SELENOH: variants seen among roughly 807,000 people sequenced by gnomAD.
SELENOH encodes the protein selenoprotein H.
In SELENOH, 13 loss-of-function variants were observed where a neutral mutation model predicts 11.9. That is an observed-to-expected ratio of 1.09 (90% CI 0.71 to 1.74). The LOEUF is 1.74. Ranked by LOEUF, SELENOH falls within the 40% of genes most tolerant of loss-of-function variation. The pLI, the probability that SELENOH is intolerant of heterozygous loss-of-function variation, is 0.00. For synonymous variants in SELENOH, 96 were observed against 73.5 expected, an observed-to-expected ratio of 1.31 and a Z score of -1.56; for missense variants, 223 against 170.3, an observed-to-expected ratio of 1.31 and a Z score of -1.72.
At chr11:57,742,458 G>A in intron 3 of SELENOH, 1 of 504,512 alleles carries the variant, frequency 2.0e-6, no homozygotes, top group Non-Finnish European at 3.6e-6. Context: ...TCTGTCTAGT[G>A]TGCCCTAAGT....
rs754112113 is a variant in SELENOH at position 57,742,224 on chromosome 11, T to G, written c.*7T>G. 6 of 1,600,864 alleles carry G rather than the reference T, an allele frequency of 3.7e-6. No homozygotes were observed. The highest frequency in any genetic ancestry group is 5.1e-6 in the Non-Finnish European group (6 of 1,172,806). On this transcript the variant is annotated 3_prime_UTR_variant, in exon 3 of 4. Transcript: ENST00000534355. ...GAAGAAGTACCTGTCGTAGGGAGATTTGGGTAGAAGCCCTCATGCTGAGGT... is the reference window on the plus strand; with the variant it reads ...GAAGAAGTACCTGTCGTAGGGAGATGTGGGTAGAAGCCCTCATGCTGAGGT...
chr11:57,743,464 A>C lies in SELENOH; in HGVS notation c.*632A>C, dbSNP rs1190806567. 3 of 152,220 alleles carry C rather than the reference A, an allele frequency of 2.0e-5. No homozygotes were observed. The highest frequency in any genetic ancestry group is 4.4e-5 in the Non-Finnish European group (3 of 68,066). 9.4% of individuals were successfully genotyped at this position (152,220 alleles called of 1,614,324 possible). On this transcript the variant is annotated 3_prime_UTR_variant, in exon 4 of 4. Transcript: ENST00000534355. ...ATGATGAGCCACCGCACCTGGCCTG[A>C]CCTGCAACTTTTATGATCTCTGGTA...
In SELENOH at chr11:57,741,862, G is replaced by C. The variant is rs200278935; in HGVS notation, c.176G>C (p.Arg59Pro). The change falls in exon 2 of 4, where the codon CGC (arginine) becomes CCC (proline). Residue 59 changes from arginine to proline, a missense_variant. Arg to Pro is a moderately radical substitution (Grantham distance 103). Coordinates refer to ENST00000534355, the MANE Select transcript of SELENOH (RefSeq NM_170746.4). ...GCCGCGGCCCTGAGCCAGGCGCTGC[G>C]CCTGGAGGCCCCAGAGCTTCCAGTA... is the stretch of plus-strand genomic sequence containing the variant. ...RNAAALSQALRLEAPELPVKV... is the reference protein window; with the variant it reads ...RNAAALSQALPLEAPELPVKV... The C allele has an allele frequency of 6.9e-6, 11 of 1,604,582 alleles. No homozygotes were observed. In the African/African-American group the frequency reaches 1.2e-4, roughly 18 times the overall value.
Position 57,741,704 on chromosome 11 carries a change from G to C in SELENOH, c.109G>C (p.Val37Leu). ...GGAGGGAATGGAGGAGGCGACCGTT[G>C]TTATCGAGCATTGGTGAGGGGCCTG... Reference protein sequence around the residue: ...GGEGMEEATVVIEHCTSURVY... With the variant: ...GGEGMEEATVLIEHCTSURVY... The change falls in exon 1 of 4, where the codon GTT becomes CTT. Residue 37 changes from valine to leucine, a missense_variant. Transcript: ENST00000534355. 6.4e-7 allele frequency: 1 copy of C among 1,555,290 alleles called. No homozygotes were observed. The highest frequency in any genetic ancestry group is 8.7e-7 in the Non-Finnish European group (1 of 1,155,536).
chr11:57,741,577 C>G lies in SELENOH; in HGVS notation c.-19C>G, dbSNP rs114953011. Reference sequence around the variant, plus strand: ...CCACCCACCAGTCCCGCTGCATTCTCGGCCGGGCTCTAGGCGCCATGGCTC... The same window carrying G: ...CCACCCACCAGTCCCGCTGCATTCTGGGCCGGGCTCTAGGCGCCATGGCTC... On this transcript the variant is annotated 5_prime_UTR_variant, in exon 1 of 4. Transcript: ENST00000534355. 1.0e-3 allele frequency: 1,259 copies of G among 1,257,812 alleles called. 19 individuals are homozygous for G. The African/African-American group carries it at 0.017, about 17-fold the overall frequency. The allele number at this position is 1,257,812 out of a possible 1,614,324, so 77.9% of individuals were successfully genotyped here.
intron 1 of SELENOH, 46 bp downstream of exon 1, chr11:57,741,763 G>A: frequency 6.3e-7 from 1 of 1,599,978 alleles, no homozygotes; most frequent in East Asian, 2.3e-5. Context: ...AGTGGCGCCG[G>A]GGGGGGCCAG....
Position 57,741,933 on chromosome 11 carries a change from C to A in SELENOH, c.247C>A (p.Leu83Met). The A allele has an allele frequency of 6.3e-7, 1 of 1,589,342 alleles. No homozygotes were observed. Among genetic ancestry groups the A allele is most frequent in the Middle Eastern group, 1.7e-4 (1 of 5,924 alleles). ...KPRRGSFEVT[L>M]LRPDGSSAEL... ...CCGGAGGGGCAGCTTCGAGGTGACG[C>A]TGCTGCGCCCGGACGGCAGCAGTAA... The change falls in exon 2 of 4, where the codon CTG becomes ATG. Residue 83 changes from leucine to methionine, a missense_variant. Coordinates refer to ENST00000534355, the MANE Select transcript of SELENOH (RefSeq NM_170746.4).
At position 57,741,940 on chromosome 11, in the gene SELENOH, G is replaced by T; in HGVS notation, c.254G>T (p.Arg85Leu). 1 of 1,588,466 alleles carries T rather than the reference G, an allele frequency of 6.3e-7. No homozygotes were observed. Residue 85 changes from arginine (R) to leucine (L), a missense_variant, in exon 2 of 4, where the codon CGC (arginine) becomes CTC (leucine). Transcript: ENST00000534355. ...GGCAGCTTCGAGGTGACGCTGCTGC[G>T]CCCGGACGGCAGCAGTAAGTGGGGA... ...RRGSFEVTLL[R>L]PDGSSAELWT...
intron 3 of SELENOH, 115 bp downstream of exon 3, chr11:57,742,362 T>TG: frequency 4.1e-6 from 3 of 731,390 alleles, no homozygotes; most frequent in Non-Finnish European, 6.8e-6. Context: ...ATCCCAGCAC[T>TG]CTGGGAGGTC....
Position 57,742,934 on chromosome 11 carries a change from A to G in SELENOH, c.*102A>G, listed in dbSNP as rs1418917651. ...AAACTTCAGTCATGATCCTGAAGCC[A>G]TGGTTTCTTCCCTGCCAGAAATGAA... On this transcript the variant is annotated 3_prime_UTR_variant, in exon 4 of 4. Coordinates refer to ENST00000534355, the MANE Select transcript of SELENOH (RefSeq NM_170746.4). 2 of 152,632 alleles carry G rather than the reference A, an allele frequency of 1.3e-5. No homozygotes were observed. The highest frequency in any genetic ancestry group is 2.9e-5 in the Non-Finnish European group (2 of 68,064). 9.5% of individuals were successfully genotyped at this position (152,632 alleles called of 1,614,324 possible). A position where few individuals can be genotyped will look rare whatever the true frequency, so the allele number is the denominator to read the frequency against.
In SELENOH at chr11:57,741,641, G is replaced by A. The variant is rs201257513; in HGVS notation, c.46G>A (p.Ala16Thr). ...GCGTAAGGCTGAGGCCGCGGTGGTCGCCGTAGCCGAGAAGCGAGAGAAGCT... is the reference window on the plus strand; with the variant it reads ...GCGTAAGGCTGAGGCCGCGGTGGTCACCGTAGCCGAGAAGCGAGAGAAGCT... ...RKRKAEAAVV[A>T]VAEKREKLAN... is the part of the protein sequence containing the mutation. Residue 16 changes from alanine to threonine, a missense_variant, in exon 1 of 4, where the codon GCC becomes ACC. Coordinates refer to ENST00000534355, the MANE Select transcript of SELENOH (RefSeq NM_170746.4). 104 of 1,329,158 alleles carry A rather than the reference G, an allele frequency of 7.8e-5. 1 individual carries two copies. The African/African-American group carries it at 1.3e-3, about 17-fold the overall frequency. 82.3% of individuals were successfully genotyped at this position (1,329,158 alleles called of 1,614,324 possible).
Position 57,741,495 on chromosome 11 carries a change from C to A in SELENOH, c.-101C>A. The A allele has an allele frequency of 1.0e-6, 1 of 980,778 alleles. No individual in the cohort carries two copies. Among genetic ancestry groups the A allele is most frequent in the Non-Finnish European group, 1.3e-6 (1 of 757,778 alleles). The allele number at this position is 980,778 out of a possible 1,614,324, so 60.8% of individuals were successfully genotyped here. On this transcript the variant is annotated 5_prime_UTR_variant, in exon 1 of 4. Transcript: ENST00000534355. ...AGAGGTTTCCGCTGTAGGAGCAGAG[C>A]TTCCGGGCTGCGCTCTTCGTTGCCC...
chr11:57,741,584 G>C lies in SELENOH; in HGVS notation c.-12G>C, dbSNP rs753986579. 18 of 1,262,700 alleles carry C rather than the reference G, an allele frequency of 1.4e-5. No individual in the cohort carries two copies. The East Asian group carries it at 4.6e-4, about 32-fold the overall frequency. 78.2% of individuals were successfully genotyped at this position (1,262,700 alleles called of 1,614,324 possible). A position where few individuals can be genotyped will look rare whatever the true frequency, so the allele number is the denominator to read the frequency against. ...CCAGTCCCGCTGCATTCTCGGCCGG[G>C]CTCTAGGCGCCATGGCTCCCCGCGG... On this transcript the variant is annotated 5_prime_UTR_variant, in exon 1 of 4. Transcript: ENST00000534355.
chr11:57,741,847 T>A lies in SELENOH; in HGVS notation c.161T>A (p.Leu54Gln). 1 of 1,606,102 alleles carries A rather than the reference T, an allele frequency of 6.2e-7. No homozygotes were observed. The highest frequency in any genetic ancestry group is 8.5e-7 in the Non-Finnish European group (1 of 1,176,868). The change falls in exon 2 of 4, where the codon CTG becomes CAG. Residue 54 changes from leucine to glutamine, a missense_variant. Transcript: ENST00000534355. ...GTCTATGGGCGCAACGCCGCGGCCC[T>A]GAGCCAGGCGCTGCGCCTGGAGGCC... ...URVYGRNAAA[L>Q]SQALRLEAPE...
At position 57,743,466 on chromosome 11, in the gene SELENOH, C is replaced by CT. The variant is rs1426189493; in HGVS notation, c.*635dup. On this transcript the variant is annotated 3_prime_UTR_variant, in exon 4 of 4. Transcript: ENST00000534355. ...GATGAGCCACCGCACCTGGCCTGAC[C>CT]TGCAACTTTTATGATCTCTGGTAAA... 3 of 152,146 alleles carry CT rather than the reference C, an allele frequency of 2.0e-5. No homozygotes were observed. The highest frequency in any genetic ancestry group is 7.2e-5 in the African/African-American group (3 of 41,394). The allele number at this position is 152,146 out of a possible 1,614,324, so 9.4% of individuals were successfully genotyped here. A position where few individuals can be genotyped will look rare whatever the true frequency, so the allele number is the denominator to read the frequency against.
Position 57,741,963 on chromosome 11 carries a change from G to A in SELENOH, c.268+9G>A, listed in dbSNP as rs1417975161. ...GCGCCCGGACGGCAGCAGTAAGTGGGGACCTGGATGTGGGGGAGAGGGACG... is the reference window on the plus strand; with the variant it reads ...GCGCCCGGACGGCAGCAGTAAGTGGAGACCTGGATGTGGGGGAGAGGGACG... On this transcript the variant is annotated intron_variant, in intron 2 of 3. Coordinates refer to ENST00000534355, the MANE Select transcript of SELENOH (RefSeq NM_170746.4). 1.9e-6 allele frequency: 3 copies of A among 1,584,242 alleles called. No individual in the cohort carries two copies. Among genetic ancestry groups the A allele is most frequent in the South Asian group, 1.1e-5 (1 of 87,042 alleles).
At chr11:57,742,358 GC>G in intron 3 of SELENOH, 111 bp downstream of exon 3, 4 of 764,578 alleles carry the variant, frequency 5.2e-6, no homozygotes, top group Non-Finnish European at 8.6e-6. Flanking sequence ...TGCAATCCCA[GC>G]ACTCTGGGAG....
In SELENOH at chr11:57,741,651, A is replaced by G; in HGVS notation, c.56A>G (p.Glu19Gly). ...GAGGCCGCGGTGGTCGCCGTAGCCG[A>G]GAAGCGAGAGAAGCTGGCGAACGGC... ...KAEAAVVAVA[E>G]KREKLANGGE... Residue 19 changes from glutamate to glycine, a missense_variant, in exon 1 of 4, where the codon GAG (glutamate) becomes GGG (glycine). Glu to Gly is a moderately conservative substitution (Grantham distance 98). Transcript: ENST00000534355. 1.4e-6 allele frequency: 2 copies of G among 1,429,604 alleles called. No individual in the cohort carries two copies. Among genetic ancestry groups the G allele is most frequent in the Non-Finnish European group, 1.8e-6 (2 of 1,090,518 alleles). The allele number at this position is 1,429,604 out of a possible 1,614,324, so 88.6% of individuals were successfully genotyped here.
In SELENOH at chr11:57,741,525, T is replaced by TC; in HGVS notation, c.-69dup. 1 of 1,212,260 alleles carries TC rather than the reference T, an allele frequency of 8.2e-7. No individual in the cohort carries two copies. Among genetic ancestry groups the TC allele is most frequent in the Non-Finnish European group, 1.0e-6 (1 of 964,138 alleles). The allele number at this position is 1,212,260 out of a possible 1,614,324, so 75.1% of individuals were successfully genotyped here. A position where few individuals can be genotyped will look rare whatever the true frequency, so the allele number is the denominator to read the frequency against. ...GGGCTGCGCTCTTCGTTGCCCAGTT[T>TC]CCGCTCAGTGGTCGCGTCTCCGCCC... On this transcript the variant is annotated 5_prime_UTR_variant, in exon 1 of 4. Coordinates refer to ENST00000534355, the MANE Select transcript of SELENOH (RefSeq NM_170746.4).
Sources: gnomAD v4.1 joint callset for allele counts on GRCh38, gnomAD v4.1.1 for gene constraint, MANE v1.5 for transcripts, NCBI Gene and HGNC (gene_info 2026-07-23, HGNC 2026-07-21) for gene names.